Variants in ABCG2 observed in about 807,000 individuals in gnomAD.
ABCG2 encodes the protein ATP binding cassette subfamily G member 2 (JR blood group).
In ABCG2, 80 loss-of-function variants were observed where a neutral mutation model predicts 73.5. The observed-to-expected ratio is 1.09, with a 90% CI of 0.91 to 1.31. The LOEUF (loss-of-function observed/expected upper bound fraction) is 1.31. ABCG2 is among the 50% of genes most tolerant of loss of function. The pLI, the probability that ABCG2 is intolerant of heterozygous loss-of-function variation, is 0.00. For missense variants in ABCG2, 796 were observed against 786.2 expected (o/e 1.01, Z -0.15); for synonymous variants, 269 against 282.4 (o/e 0.95, Z 0.48).
intron 1 of ABCG2, among the ~76,000 whole-genome samples, chr4:88,202,263 C>A (rs1729197517): frequency 6.7e-6 from 1 of 148,216 alleles, no homozygotes; most frequent in Non-Finnish European, 1.5e-5. Flanking sequence ...GTAATCCCAT[C>A]ACCTTGGGAG....
chr4:88,213,900 C>T (rs1729699012), intron 1 of ABCG2, among the ~76,000 whole-genome samples: 1 of 149,460 alleles, frequency 6.7e-6, no homozygotes, highest in Non-Finnish European at 1.5e-5. Flanking sequence ...CAAGGATGGT[C>T]TTGATCTCCT....
Position 88,139,894 on chromosome 4 carries a change from T to C in ABCG2, c.102A>G (p.Gly34=). ...AGATGTTATGAAAACTTAACACAGC[T>C]CCTTCAGTAAATGCCTTCAGGTCAT... ...ASNDLKAFTE[G]AVLSFHNICY... The change falls in exon 2 of 16, where the codon GGA becomes GGG. Residue 34 remains glycine (G), a synonymous_variant. Transcript: ENST00000237612. 1 of 1,614,176 alleles carries C rather than the reference T, an allele frequency of 6.2e-7. No individual in the cohort carries two copies. Among genetic ancestry groups the C allele is most frequent in the South Asian group, 1.1e-5 (1 of 91,084 alleles).
chr4:88,177,322 C>G (rs1287974286), intron 1 of ABCG2, among the ~76,000 whole-genome samples: 1 of 151,180 alleles, frequency 6.6e-6, no homozygotes, highest in South Asian at 2.1e-4. Flanking sequence ...TACAGTGAGC[C>G]GAGATTGGCC....
At chr4:88,201,759 C>T (rs192199098) in intron 1 of ABCG2, 42 of 152,234 alleles carry the variant, frequency 2.8e-4, no homozygotes, top group African/African-American at 9.6e-4. Flanking sequence ...AAGATTAGCA[C>T]GGCGCCCTAC....
rs534753365 is a variant in ABCG2, at chr4:88,137,006, C to T, written c.203+2787G>A. ...CAGCCTGGGCAACAAGAGCAAACCT[C>T]CATCTCAATAAAATAAAATAAAATA... On this transcript the variant is annotated intron_variant, in intron 2 of 15. Transcript: ENST00000237612. Among the ~76,000 whole-genome samples the T allele has an allele frequency of 1.1e-3, 90 of 79,314 alleles. 1 individual carries two copies. Among genetic ancestry groups the T allele is most frequent in the African/African-American group, 2.9e-3 (87 of 30,230 alleles). The allele number at this position is 79,314 out of a possible 152,430, so 52.0% of individuals were successfully genotyped here.
rs370249033 is a variant in ABCG2 at position 88,146,393 on chromosome 4, CT to C, written c.-19-6380del. Among the ~76,000 whole-genome samples, 1,035 of 147,314 alleles carry C rather than the reference CT, an allele frequency of 7.0e-3. 10 individuals are homozygous for C. Among genetic ancestry groups the C allele is most frequent in the African/African-American group, 0.024 (972 of 40,248 alleles). ...CTAGGACAAATCCATATGACTGAGG[CT>C]TTTTTTTTTCTTTTTTCAAGACAGA... On this transcript the variant is annotated intron_variant, in intron 1 of 15. Coordinates refer to ENST00000237612, the MANE Select transcript of ABCG2 (RefSeq NM_004827.3).
intron 10 of ABCG2, among the ~76,000 whole-genome samples, chr4:88,105,879 C>CTTGAATAGACATTTT (rs1422241918): frequency 2.6e-5 from 4 of 152,012 alleles, no homozygotes; most frequent in Non-Finnish European, 5.9e-5. Context: ...TTAAAATGGG[C>CTTGAATAGACATTTT]AAAGGACTTG....
intron 5 of ABCG2, among the ~76,000 whole-genome samples, chr4:88,123,157 C>T (rs1034965524): frequency 6.6e-6 from 1 of 152,096 alleles, no homozygotes; most frequent in Non-Finnish European, 1.5e-5. Context: ...AAATCCACAC[C>T]AAAACCCCAT....
At chr4:88,143,981 C>T (rs2110062007) in intron 1 of ABCG2, among the ~76,000 whole-genome samples, 1 of 152,240 alleles carries the variant, frequency 6.6e-6, no homozygotes, top group East Asian at 1.9e-4. Flanking sequence ...GTAACAACTA[C>T]CTTTAAGCAA....
chr4:88,099,350 A>G lies in ABCG2; in HGVS notation c.1466T>C (p.Phe489Ser). The G allele has an allele frequency of 6.2e-7, 1 of 1,610,168 alleles. No individual in the cohort carries two copies. Among genetic ancestry groups the G allele is most frequent in the South Asian group, 1.1e-5 (1 of 90,092 alleles). ...TAACATGAAGTACACTATACAGGTA[A>G]ATATAATACTTGGTAACATCCTCAT... ...LPMRMLPSII[F>S]TCIVYFMLGL... Residue 489 changes from phenylalanine (F) to serine (S), a missense_variant, in exon 12 of 16, where the codon TTT becomes TCT. Coordinates refer to ENST00000237612, the MANE Select transcript of ABCG2 (RefSeq NM_004827.3).
In ABCG2 at chr4:88,113,426, C is replaced by T; in HGVS notation, c.1071G>A (p.Lys357=). 1 of 1,614,134 alleles carries T rather than the reference C, an allele frequency of 6.2e-7. No homozygotes were observed. The highest frequency in any genetic ancestry group is 8.5e-7 in the Non-Finnish European group (1 of 1,180,022). ...AELHQLSGGE[K]KKKITVFKEI... ...CCTTGAAGACTGTGATCTTCTTCTTCTTCTCACCCCCGGAAAGTTGATGTA... is the reference window on the plus strand; with the variant it reads ...CCTTGAAGACTGTGATCTTCTTCTTTTTCTCACCCCCGGAAAGTTGATGTA... The change falls in exon 9 of 16, where the codon AAG becomes AAA. Residue 357 remains lysine, a synonymous_variant. Coordinates refer to ENST00000237612, the MANE Select transcript of ABCG2 (RefSeq NM_004827.3).
In ABCG2 at chr4:88,191,634, T is replaced by G. The variant is rs372651405; in HGVS notation, c.-20+39360A>C. 9.2e-5 allele frequency among the ~76,000 whole-genome samples: 14 copies of G among 152,318 alleles called. No homozygotes were observed. The East Asian group carries it at 9.7e-4, about 11-fold the overall frequency. On this transcript the variant is annotated intron_variant, in intron 1 of 15. Coordinates refer to the ABCG2 transcript ENST00000515655. ...TCTGTCCAAGACAAATGACAGCCTA[T>G]GTTTACACAAAGGGCTGTAAGCAAA...
intron 6 of ABCG2, 96 bp from the exon 7 acceptor site, chr4:88,118,356 A>G: frequency 1.5e-6 from 2 of 1,333,302 alleles, no homozygotes; most frequent in Non-Finnish European, 2.0e-6. Context: ...TGTTTGCTCT[A>G]GTTCAGCCTG....
At chr4:88,190,084 CAA>C (rs1230700797) in intron 1 of ABCG2, among the ~76,000 whole-genome samples, 1 of 152,172 alleles carries the variant, frequency 6.6e-6, no homozygotes, top group Non-Finnish European at 1.5e-5. Context: ...GGTAAATATG[CAA>C]AGTCACCCCT....
Position 88,186,918 on chromosome 4 carries a change from C to CA in ABCG2, c.-20+44075dup, listed in dbSNP as rs35676506. Among the ~76,000 whole-genome samples, 251 of 76,252 alleles carry CA rather than the reference C, an allele frequency of 3.3e-3. 2 individuals are homozygous for CA. Among genetic ancestry groups the CA allele is most frequent in the Non-Finnish European group, 4.5e-3 (192 of 42,430 alleles). 50.0% of individuals were successfully genotyped at this position (76,252 alleles called of 152,430 possible). ...TGGGCGACAGAGCGAGACTCCGTCTCAAAAAAAAAAAAAAAAAAAAAAAAT... is the reference window on the plus strand; with the variant it reads ...TGGGCGACAGAGCGAGACTCCGTCTCAAAAAAAAAAAAAAAAAAAAAAAAAT... On this transcript the variant is annotated intron_variant, in intron 1 of 15. Transcript: ENST00000515655.
At chr4:88,144,357 C>T (rs1164289166) in intron 1 of ABCG2, among the ~76,000 whole-genome samples, 1 of 152,086 alleles carries the variant, frequency 6.6e-6, no homozygotes, top group Admixed American at 6.6e-5. Context: ...AGATTCTTTC[C>T]CCAGCTCTGC....
upstream of ABCG2, among the ~76,000 whole-genome samples, chr4:88,160,879 C>T (rs1268049754): frequency 1.4e-5 from 2 of 138,816 alleles, no homozygotes; most frequent in South Asian, 2.3e-4. Flanking sequence ...AAAACCTATA[C>T]ATAGAAAATT....
chr4:88,222,129 T>A (rs1730032823), intron 1 of ABCG2, among the ~76,000 whole-genome samples: 1 of 152,234 alleles, frequency 6.6e-6, no homozygotes, highest in African/African-American at 2.4e-5. Flanking sequence ...GCTCAGGCCA[T>A]TGCCTCAGTG....
chr4:88,184,517 T>C (rs1728376484), intron 1 of ABCG2, among the ~76,000 whole-genome samples: 1 of 152,054 alleles, frequency 6.6e-6, no homozygotes, highest in Non-Finnish European at 1.5e-5. Context: ...ATCTTTACAA[T>C]GAAAGTGATA....
Sources: gnomAD v4.1 joint callset for allele counts (sites outside exome capture counted in the v4.1 genomes callset) on GRCh38, gnomAD v4.1.1 for gene constraint, MANE v1.5 for transcripts, NCBI Gene and HGNC (gene_info 2026-07-23, HGNC 2026-07-21) for gene names.